Variants in ZNF85 observed in about 807,000 individuals in gnomAD.
The protein encoded by ZNF85 is zinc finger protein 85 (HPF4, HTF1).
ZNF85 carries 50 observed loss-of-function variants against 53.9 expected under a neutral mutation model. The ratio of observed to expected loss-of-function variants is 0.93; its 90% CI spans 0.74 to 1.17. ZNF85 has a LOEUF of 1.17. Ranked by LOEUF, ZNF85 falls within the 50% of genes most tolerant of loss-of-function variation. The pLI is 0.00. For synonymous variants in ZNF85, 225 were observed against 226.1 expected (o/e 1.00, Z 0.04); for missense variants, 747 against 688.5 (o/e 1.08, Z -0.95).
chr19:20,933,192 CAA>C (rs10532648), intron 1 of ZNF85, among the ~76,000 whole-genome samples: 7,071 of 108,724 alleles, frequency 0.065, 194 homozygotes, highest in South Asian at 0.13. Context: ...GACTCCGTCT[CAA>C]AAAAAAAAAA....
chr19:20,941,717 A>G (rs1973300448), intron 3 of ZNF85, among the ~76,000 whole-genome samples: 1 of 152,150 alleles, frequency 6.6e-6, no homozygotes, highest in South Asian at 2.1e-4. Context: ...ATGATATGTG[A>G]TTTGCAAATA....
intron 3 of ZNF85, chr19:20,943,444 G>A (rs1973347114): frequency 6.6e-6 from 1 of 152,204 alleles, no homozygotes. Flanking sequence ...TATGTGATAT[G>A]TCCAGTTACT....
chr19:20,942,864 C>T (rs751212750), intron 3 of ZNF85: 83 of 696,952 alleles, frequency 1.2e-4, no homozygotes, highest in Non-Finnish European at 2.0e-4. Context: ...CAGCCTCAAC[C>T]TTCTGGGGTC....
chr19:20,923,560 A>G (rs1295428594), intron 1 of ZNF85, 157 bp downstream of exon 1: 1 of 1,304,966 alleles, frequency 7.7e-7, no homozygotes, highest in African/African-American at 1.5e-5. Flanking sequence ...CAGCCATAAG[A>G]TGGCGGCTGC....
intron 1 of ZNF85, among the ~76,000 whole-genome samples, chr19:20,929,477 C>T (rs191116170): frequency 6.4e-4 from 98 of 152,196 alleles, no homozygotes; most frequent in African/African-American, 2.2e-3. Context: ...AGCCACTGCA[C>T]CCAGCCTATT....
intron 1 of ZNF85, among the ~76,000 whole-genome samples, chr19:20,924,438 G>T (rs1972833501): frequency 6.6e-6 from 1 of 152,100 alleles, no homozygotes; most frequent in African/African-American, 2.4e-5. Flanking sequence ...GGACCCCAGG[G>T]ACTAGAGCCA....
intron 1 of ZNF85, among the ~76,000 whole-genome samples, chr19:20,924,153 G>A (rs185600351): frequency 6.6e-6 from 1 of 151,824 alleles, no homozygotes. Context: ...AGTGGTTCAA[G>A]TATTGTAGAG....
rs757405922 is a variant in ZNF85, at chr19:20,949,766, A to G, written c.1252A>G (p.Ile418Val). The G allele has an allele frequency of 1.2e-6, 2 of 1,611,960 alleles. No individual in the cohort carries two copies. Among genetic ancestry groups the G allele is most frequent in the South Asian group, 2.2e-5 (2 of 90,806 alleles). ...KHSSTLTKHKIIHTGEKPYKC... is the reference protein window; with the variant it reads ...KHSSTLTKHKVIHTGEKPYKC... ...CTCTTCAACCCTTACTAAACATAAGATAATTCATACTGGAGAGAAGCCTTA... is the reference window on the plus strand; with the variant it reads ...CTCTTCAACCCTTACTAAACATAAGGTAATTCATACTGGAGAGAAGCCTTA... Residue 418 changes from isoleucine to valine, a missense_variant, in exon 4 of 4, where the codon ATA (isoleucine) becomes GTA (valine). Physicochemically the swap from Ile to Val is conservative, Grantham distance 29. Transcript: ENST00000328178.
chr19:20,935,407 G>C (rs181931982), intron 3 of ZNF85, among the ~76,000 whole-genome samples: 41 of 152,166 alleles, frequency 2.7e-4, no homozygotes, highest in Non-Finnish European at 1.9e-4. Context: ...ATTTTTAATT[G>C]TATTTTTGCA....
intron 3 of ZNF85, among the ~76,000 whole-genome samples, chr19:20,941,544 T>C (rs997847570): frequency 2.0e-5 from 3 of 152,246 alleles, no homozygotes; most frequent in African/African-American, 4.8e-5. Context: ...ATTACAGGCA[T>C]GAGCCACCGT....
intron 1 of ZNF85, among the ~76,000 whole-genome samples, chr19:20,924,194 A>G (rs1242301102): frequency 6.6e-6 from 1 of 152,178 alleles, no homozygotes; most frequent in African/African-American, 2.4e-5. Flanking sequence ...TTTGTGGTCC[A>G]TGGGAGGAGC....
chr19:20,933,192 C>CAAAAA (rs10532648), intron 1 of ZNF85, among the ~76,000 whole-genome samples: 1 of 108,748 alleles, frequency 9.2e-6, no homozygotes. Flanking sequence ...GACTCCGTCT[C>CAAAAA]AAAAAAAAAA....
chr19:20,931,440 G>A (rs570133643), intron 1 of ZNF85, among the ~76,000 whole-genome samples: 4 of 152,072 alleles, frequency 2.6e-5, no homozygotes, highest in East Asian at 3.9e-4. Flanking sequence ...CAGTCATGTT[G>A]TAGTAATGAA....
At position 20,948,991 on chromosome 19, in the gene ZNF85, A is replaced by G. The variant is rs752571958; in HGVS notation, c.477A>G (p.Ser159=). The G allele has an allele frequency of 1.5e-5, 25 of 1,613,414 alleles. No individual in the cohort carries two copies. The highest frequency in any genetic ancestry group is 2.0e-5 in the Non-Finnish European group (24 of 1,179,750). Residue 159 remains serine (S), a synonymous_variant, in exon 4 of 4, where the codon TCA becomes TCG. Coordinates refer to ENST00000328178, the MANE Select transcript of ZNF85 (RefSeq NM_003429.5). ...DKYVKVAHKF[S]NSNRHEIRHT... is the part of the protein sequence containing the mutation. ...ATGTAAAAGTCGCTCATAAATTTTC[A>G]AATTCAAACAGACATGAGATAAGAC...
At chr19:20,933,109 C>T (rs559958433) in intron 1 of ZNF85, among the ~76,000 whole-genome samples, 8 of 151,412 alleles carry the variant, frequency 5.3e-5, no homozygotes, top group South Asian at 2.1e-4. Context: ...GGGAGAATGC[C>T]GTGAACCCAG....
chr19:20,947,754 CTTATA>C (rs908007390), intron 3 of ZNF85, among the ~76,000 whole-genome samples: 1 of 150,996 alleles, frequency 6.6e-6, no homozygotes, highest in Non-Finnish European at 1.5e-5. Context: ...ATCATTTTTT[CTTATA>C]TTAAAATTTT....
intron 2 of ZNF85, 76 bp downstream of exon 2, chr19:20,934,226 G>T: frequency 6.5e-7 from 1 of 1,544,850 alleles, no homozygotes; most frequent in Non-Finnish European, 8.7e-7. Flanking sequence ...ATGTTTTTCT[G>T]GTAAAGTGTG....
chr19:20,931,310 G>C (rs888259536), intron 1 of ZNF85, among the ~76,000 whole-genome samples: 5 of 152,210 alleles, frequency 3.3e-5, no homozygotes, highest in African/African-American at 9.7e-5. Flanking sequence ...AAACTTGAGA[G>C]GCAATGCTTA....
intron 3 of ZNF85, among the ~76,000 whole-genome samples, chr19:20,939,310 C>T (rs1973237189): frequency 1.3e-5 from 2 of 152,272 alleles, no homozygotes; most frequent in African/African-American, 4.8e-5. Flanking sequence ...GGCTGGAGTG[C>T]AGTGGCATGA....
Sources: gnomAD v4.1 joint callset for allele counts (sites outside exome capture counted in the v4.1 genomes callset) on GRCh38, gnomAD v4.1.1 for gene constraint, MANE v1.5 for transcripts, NCBI Gene and HGNC (gene_info 2026-07-23, HGNC 2026-07-21) for gene names.